The following PTK2 variants were observed in gnomAD, a reference collection of about 807,000 sequenced individuals.
PTK2 encodes the protein focal adhesion kinase 1.
Under a neutral mutation model 150.1 loss-of-function variants are expected in PTK2, and 45 were observed. That is an observed-to-expected ratio of 0.30 (90% CI 0.24 to 0.38). The LOEUF (loss-of-function observed/expected upper bound fraction) is 0.38. Among genes scored for constraint, PTK2 ranks in the 10% least tolerant of loss-of-function variants. The pLI is 1.00. For missense variants in PTK2, 919 were observed against 1,307.3 expected, an observed-to-expected ratio of 0.70 and a Z score of 4.58; for synonymous variants, 432 against 449.2, an observed-to-expected ratio of 0.96 and a Z score of 0.48.
intron 10 of PTK2, among the ~76,000 whole-genome samples, chr8:140,816,600 A>G (rs1020942658): frequency 6.6e-6 from 1 of 152,232 alleles, no homozygotes; most frequent in Non-Finnish European, 1.5e-5. Context: ...GGGACTTATT[A>G]ATTTAAAAGG....
intron 1 of PTK2, among the ~76,000 whole-genome samples, chr8:140,957,693 C>G (rs1345544651): frequency 1.3e-5 from 2 of 152,094 alleles, no homozygotes; most frequent in Non-Finnish European, 2.9e-5. Context: ...ATATCATATT[C>G]TTATTGTACC....
intron 12 of PTK2, among the ~76,000 whole-genome samples, chr8:140,797,384 T>C (rs993211165): frequency 6.6e-6 from 1 of 152,190 alleles, no homozygotes; most frequent in African/African-American, 2.4e-5. Context: ...GCTTTAAAAA[T>C]GTTACCTTGT....
chr8:140,701,085 G>GT, intron 25 of PTK2, 63 bp from the exon 29 acceptor site: 1 of 1,493,792 alleles, frequency 6.7e-7, no homozygotes, highest in Non-Finnish European at 9.0e-7. Context: ...CTCTTACCTT[G>GT]TTTTATGTGT....
chr8:140,845,342 A>AC (rs1381764290), intron 7 of PTK2, among the ~76,000 whole-genome samples: 1 of 151,740 alleles, frequency 6.6e-6, no homozygotes, highest in African/African-American at 2.4e-5. Flanking sequence ...TATTCTATCT[A>AC]CCCCCAACCA....
chr8:140,902,924 G>GTTTTTTGTTTTT lies in PTK2; in HGVS notation c.-32-12156_-32-12155insAAAAACAAAAAA, dbSNP rs2100159140. Among the ~76,000 whole-genome samples the GTTTTTTGTTTTT allele has an allele frequency of 2.9e-4, 17 of 58,940 alleles. 1 individual carries two copies. Among genetic ancestry groups the GTTTTTTGTTTTT allele is most frequent in the Non-Finnish European group, 4.9e-4 (13 of 26,318 alleles). The allele number at this position is 58,940 out of a possible 152,430, so 38.7% of individuals were successfully genotyped here. ...TTGCCTGTTCACTCTGATGAGAGTTGTTTTTTTTTTTTTTTTTTTTTTTTT... is the reference window on the plus strand; with the variant it reads ...TTGCCTGTTCACTCTGATGAGAGTTGTTTTTTGTTTTTTTTTTTTTTTTTTTTTTTTTTTTTT... On this transcript the variant is annotated intron_variant, in intron 2 of 31. Coordinates refer to ENST00000522684, the Ensembl canonical transcript of PTK2.
intron 2 of PTK2, among the ~76,000 whole-genome samples, chr8:140,902,513 T>C (rs2100158896): frequency 6.6e-6 from 1 of 152,240 alleles, no homozygotes; most frequent in Admixed American, 6.5e-5. Context: ...TTTCTGGTTC[T>C]AGATCCTTGA....
chr8:140,730,244 A>G (rs1018115390), intron 22 of PTK2, among the ~76,000 whole-genome samples: 4 of 152,228 alleles, frequency 2.6e-5, no homozygotes, highest in Non-Finnish European at 5.9e-5. Context: ...TCTACTTCAC[A>G]GAGCAATATT....
chr8:141,001,612 G>T (rs2100200277), upstream of PTK2, among the ~76,000 whole-genome samples: 2 of 152,236 alleles, frequency 1.3e-5, no homozygotes, highest in East Asian at 1.9e-4. Flanking sequence ...CCGCCAGCGG[G>T]ATTAGACGGA....
chr8:140,776,089 C>T (rs192176640), intron 14 of PTK2, among the ~76,000 whole-genome samples: 13 of 152,298 alleles, frequency 8.5e-5, no homozygotes, highest in East Asian at 7.7e-4. Flanking sequence ...CTATAACCTC[C>T]GGCTCCCAGG....
At chr8:140,885,592 C>A (rs1387828565) in intron 3 of PTK2, among the ~76,000 whole-genome samples, 1 of 152,020 alleles carries the variant, frequency 6.6e-6, no homozygotes, top group African/African-American at 2.4e-5. Context: ...ACTGGCATGC[C>A]CTGGCAGGCA....
Position 141,000,115 on chromosome 8 carries a change from ACACACACACACC to A in PTK2, c.-122+998_-122+1009del, listed in dbSNP as rs1450767764. 3.2e-4 allele frequency among the ~76,000 whole-genome samples: 48 copies of A among 150,248 alleles called. No homozygotes were observed. The East Asian group carries it at 7.0e-3, about 22-fold the overall frequency. On this transcript the variant is annotated intron_variant, in intron 1 of 31. Coordinates refer to ENST00000522684, the Ensembl canonical transcript of PTK2. ...CACACACACACACACACACACACACACACACACACACCCCTTCTTCTAAGAAAGAACAGGATG... is the reference window on the plus strand; with the variant it reads ...CACACACACACACACACACACACACACCTTCTTCTAAGAAAGAACAGGATG...
chr8:140,752,305 A>T lies in PTK2; in HGVS notation c.1344T>A (p.Ala448=), dbSNP rs747458546. The T allele has an allele frequency of 3.1e-6, 5 of 1,613,890 alleles. No individual in the cohort carries two copies. In the Admixed American group the frequency reaches 8.3e-5, roughly 27 times the overall value. ...TACATGTTTTAATTGCAACCGCCAAAGCTGGATTCTCCTGTGTTAGGGAAA... is the reference window on the plus strand; with the variant it reads ...TACATGTTTTAATTGCAACCGCCAATGCTGGATTCTCCTGTGTTAGGGAAA... The change falls in exon 17 of 32, where the codon GCT becomes GCA. Residue 448 remains alanine (A), a synonymous_variant. Transcript: ENST00000522684.
chr8:140,848,841 T>C (rs1473003870), intron 5 of PTK2, among the ~76,000 whole-genome samples: 2 of 152,190 alleles, frequency 1.3e-5, no homozygotes, highest in East Asian at 3.8e-4. Context: ...CAGTGGCTTT[T>C]AGTTGTCTGA....
At chr8:140,818,172 G>T in intron 10 of PTK2, 105 bp downstream of exon 10, 1 of 1,101,186 alleles carries the variant, frequency 9.1e-7, no homozygotes, top group Non-Finnish European at 1.4e-6. Context: ...AGTGCAATAG[G>T]AAAATTTAAT....
chr8:140,775,920 C>T (rs984706828), intron 14 of PTK2, among the ~76,000 whole-genome samples: 6 of 152,288 alleles, frequency 3.9e-5, no homozygotes, highest in East Asian at 1.9e-4. Context: ...AGGGTATCTT[C>T]GCCCCTGCAC....
intron 3 of PTK2, chr8:140,890,240 A>T (rs2100153775): frequency 3.6e-6 from 1 of 275,220 alleles, no homozygotes; most frequent in East Asian, 7.2e-5. Flanking sequence ...TTTTAGTTGC[A>T]TTGTTGCCTA....
At chr8:140,705,387 T>G (rs1449153768) in intron 24 of PTK2, among the ~76,000 whole-genome samples, 2 of 152,176 alleles carry the variant, frequency 1.3e-5, no homozygotes, top group Non-Finnish European at 2.9e-5. Flanking sequence ...AAGCACACTC[T>G]ATATGATCTA....
intron 27 of PTK2, among the ~76,000 whole-genome samples, chr8:140,677,362 A>G (rs573144762): frequency 6.6e-6 from 1 of 152,292 alleles, no homozygotes; most frequent in East Asian, 1.9e-4. Context: ...GAGAAGCCAA[A>G]CCACAGCCCA....
At chr8:140,821,498 G>GA (rs1186468394) in intron 8 of PTK2, 2 of 152,160 alleles carry the variant, frequency 1.3e-5, no homozygotes, top group Non-Finnish European at 2.9e-5. Context: ...CAGGCTTGGT[G>GA]AAAAAAATAA....
Sources: allele counts gnomAD v4.1 joint callset (sites outside exome capture counted in the v4.1 genomes callset), GRCh38; gene constraint gnomAD v4.1.1; transcripts MANE v1.5; gene names NCBI Gene and HGNC (gene_info 2026-07-23, HGNC 2026-07-21).